Variants in BRCA1 observed in about 807,000 individuals in gnomAD.
The protein encoded by BRCA1 is breast cancer type 1 susceptibility protein.
A neutral mutation model predicts 173.7 loss-of-function variants in BRCA1; 140 were observed. The observed-to-expected ratio is 0.81, with a 90% CI of 0.70 to 0.93. The LOEUF (loss-of-function observed/expected upper bound fraction) is 0.93, where lower values mean the gene tolerates loss of function less well. Ranked by LOEUF, BRCA1 falls within the 40% of genes least tolerant of loss-of-function variation. The probability of loss-of-function intolerance (pLI) is 0.00; values close to 1 mark genes in which losing one functional copy is unlikely to be tolerated. For synonymous variants in BRCA1, 662 were observed against 756.0 expected (o/e 0.88, Z 2.04); for missense variants, 1,983 against 2,172.5 (o/e 0.91, Z 1.73).
At position 43,093,690 on chromosome 17, in the gene BRCA1, T is replaced by C. The variant is rs1597873869; in HGVS notation, c.1841A>G (p.Lys614Arg). 6.2e-7 allele frequency: 1 copy of C among 1,614,108 alleles called. No homozygotes were observed. The highest frequency in any genetic ancestry group is 1.3e-5 in the African/African-American group (1 of 75,044). Residue 614 changes from lysine (K) to arginine (R), a missense_variant, in exon 10 of 23, where the codon AAG becomes AGG. Physicochemically the swap from Lys to Arg is conservative, Grantham distance 26. Transcript: ENST00000357654. ...KAPKKNRLRR[K>R]SSTRHIHALE... is the part of the protein sequence containing the mutation. ...CGCATGAATATGCCTGGTAGAAGAC[T>C]TCCTCCTCAGCCTATTCTTTTTAGG...
chr17:43,127,834 C>G (rs1484756135), upstream of BRCA1, among the ~76,000 whole-genome samples: 3 of 151,364 alleles, frequency 2.0e-5, no homozygotes, highest in Admixed American at 1.3e-4. Flanking sequence ...ACCATCCTGG[C>G]TAACACAGTG....
In BRCA1 at chr17:43,091,840, A is replaced by G. The variant is rs41293451; in HGVS notation, c.3691T>C (p.Phe1231Leu). 40 of 1,614,196 alleles carry G rather than the reference A, an allele frequency of 2.5e-5. No homozygotes were observed. The African/African-American group carries it at 4.8e-4, about 19-fold the overall frequency. ...EELPCFQHLL[F>L]GKVNNIPSQS... ...GAAGGTATATTGTTTACTTTACCAA[A>G]TAACAAGTGTTGGAAGCAGGGAAGC... Residue 1231 changes from phenylalanine (F) to leucine (L), a missense_variant, in exon 10 of 23, where the codon TTT becomes CTT. By Grantham distance (22) the Phe-to-Leu change is conservative. Transcript: ENST00000357654.
In BRCA1 at chr17:43,092,417, T is replaced by C. The variant is rs1479034426; in HGVS notation, c.3114A>G (p.Glu1038=). ...RNNIRENVFK[E]ASSSNINEVG... ...CTTCATTAATATTGCTTGAGCTGGC[T>C]TCTTTAAAAACATTTTCTCTAATGT... Residue 1038 remains glutamate, a synonymous_variant, in exon 10 of 23, where the codon GAA becomes GAG. Transcript: ENST00000357654. The C allele has an allele frequency of 6.2e-7, 1 of 1,613,834 alleles. No individual in the cohort carries two copies.
At chr17:43,101,100 A>C (rs1259451408) in intron 6 of BRCA1, among the ~76,000 whole-genome samples, 2 of 151,942 alleles carry the variant, frequency 1.3e-5, no homozygotes, top group African/African-American at 4.8e-5. Flanking sequence ...TTAGTATAGG[A>C]ACGAGTATTT....
chr17:43,100,598 TATATATATAAC>T (rs1315449584), intron 6 of BRCA1, among the ~76,000 whole-genome samples: 12 of 87,246 alleles, frequency 1.4e-4, no homozygotes, highest in Non-Finnish European at 2.4e-4. Flanking sequence ...ATATATATTA[TATATATATAAC>T]ATATATATAA....
At position 43,097,303 on chromosome 17, in the gene BRCA1, C is replaced by A. The variant is rs1451322222; in HGVS notation, c.548-14G>T. ...AAGAATCAGATCCTAAAAAATTTCC[C>A]CCCAAAAAATAAATCAATAAAAGTT... is the stretch of plus-strand genomic sequence containing the variant. On this transcript the variant is annotated splice_polypyrimidine_tract_variant and intron_variant, in intron 7 of 22. Coordinates refer to ENST00000357654, the MANE Select transcript of BRCA1 (RefSeq NM_007294.4). 1 of 1,609,464 alleles carries A rather than the reference C, an allele frequency of 6.2e-7. No individual in the cohort carries two copies. Among genetic ancestry groups the A allele is most frequent in the Non-Finnish European group, 8.5e-7 (1 of 1,176,610 alleles).
chr17:43,109,793 C>T (rs1481968071), intron 3 of BRCA1, among the ~76,000 whole-genome samples: 4 of 151,924 alleles, frequency 2.6e-5, no homozygotes, highest in African/African-American at 9.7e-5. Flanking sequence ...GAATATAGTA[C>T]AGTAGAGTGA....
Position 43,092,890 on chromosome 17 carries a change from C to A in BRCA1, c.2641G>T (p.Glu881Ter), listed in dbSNP as rs397508988. Residue 881 changes from glutamate to a stop codon, truncating the protein, a stop_gained, in exon 10 of 23, where the codon GAA becomes TAA. Transcript: ENST00000357654. LOFTEE classifies it high-confidence loss of function. ...GAGTGGGCAGAGAATGTTGCACATT[C>A]CTCTTCTGCATTTCCTGGATTTGAA... is the stretch of plus-strand genomic sequence containing the variant. ...PFSNPGNAEE[E>*]CATFSAHSGS... The A allele has an allele frequency of 1.9e-6, 3 of 1,613,904 alleles. No individual in the cohort carries two copies. The highest frequency in any genetic ancestry group is 1.7e-6 in the Non-Finnish European group (2 of 1,179,988).
In BRCA1 at chr17:43,093,112, C is replaced by A. The variant is rs80357240; in HGVS notation, c.2419G>T (p.Ala807Ser). ...ATTAGTCCCTTGGGGTTTTCAAATGCTGCACACTGACTCACACATTTATTT... is the reference window on the plus strand; with the variant it reads ...ATTAGTCCCTTGGGGTTTTCAAATGATGCACACTGACTCACACATTTATTT... ...EPNKCVSQCA[A>S]FENPKGLIHG... The change falls in exon 10 of 23, where the codon GCA becomes TCA. Residue 807 changes from alanine to serine, a missense_variant. Transcript: ENST00000357654. The A allele has an allele frequency of 2.5e-6, 4 of 1,613,618 alleles. No individual in the cohort carries two copies. The highest frequency in any genetic ancestry group is 2.7e-5 in the African/African-American group (2 of 75,024).
rs80358059 is a variant in BRCA1 at position 43,063,960 on chromosome 17, T to A, written c.5075-9A>T. ...ACACACAAACTCAGCATCTGCAGAATGAAAAACACTCAAAGGATTAGAAGT... is the reference window on the plus strand; with the variant it reads ...ACACACAAACTCAGCATCTGCAGAAAGAAAAACACTCAAAGGATTAGAAGT... On this transcript the variant is annotated splice_polypyrimidine_tract_variant and intron_variant, in intron 16 of 22. Transcript: ENST00000357654. 3.1e-6 allele frequency: 5 copies of A among 1,613,186 alleles called. No homozygotes were observed. Among genetic ancestry groups the A allele is most frequent in the Non-Finnish European group, 3.4e-6 (4 of 1,179,316 alleles).
rs2051844725 is a variant in BRCA1 at position 43,063,239 on chromosome 17, A to G, written c.5193+94T>C. 6.7e-6 allele frequency: 7 copies of G among 1,041,522 alleles called. No individual in the cohort carries two copies. In the South Asian group the frequency reaches 9.1e-5, roughly 14 times the overall value. The allele number at this position is 1,041,522 out of a possible 1,614,324, so 64.5% of individuals were successfully genotyped here. ...ATCATGGAAAATTTGTGCATTGTTA[A>G]GGAAAGTGGTGCATTGATGGAAGGA... is the stretch of plus-strand genomic sequence containing the variant. On this transcript the variant is annotated intron_variant, in intron 18 of 22. Coordinates refer to ENST00000357654, the MANE Select transcript of BRCA1 (RefSeq NM_007294.4).
chr17:43,155,546 G>A (rs1250568574), intron 1 of BRCA1, among the ~76,000 whole-genome samples: 2 of 151,340 alleles, frequency 1.3e-5, no homozygotes, highest in African/African-American at 4.9e-5. Context: ...TTTTTTGGGG[G>A]GAGATGGAGT....
intron 12 of BRCA1, among the ~76,000 whole-genome samples, chr17:43,076,866 C>A (rs930398418): frequency 6.6e-6 from 1 of 151,632 alleles, no homozygotes; most frequent in Non-Finnish European, 1.5e-5. Flanking sequence ...AATAAAGACA[C>A]CCAGCTGAGA....
chr17:43,072,597 TC>T (rs2052501728), intron 14 of BRCA1, among the ~76,000 whole-genome samples: 2 of 149,934 alleles, frequency 1.3e-5, no homozygotes, highest in Non-Finnish European at 3.0e-5. Context: ...GGAGTTTCAT[TC>T]TTGTTGCCCA....
chr17:43,047,753 T>G (rs1435317366), intron 21 of BRCA1, 50 bp from the exon 22 acceptor site: 1 of 1,588,148 alleles, frequency 6.3e-7, no homozygotes, highest in African/African-American at 1.3e-5. Flanking sequence ...GTAGGACTAC[T>G]GGAACTGTCA....
chr17:43,150,601 C>T (rs1192882288), intron 1 of BRCA1, among the ~76,000 whole-genome samples: 1 of 152,166 alleles, frequency 6.6e-6, no homozygotes, highest in South Asian at 2.1e-4. Context: ...AACCTTTTGA[C>T]TGTTGTTTCT....
At chr17:43,078,667 G>T (rs1238646315) in intron 12 of BRCA1, among the ~76,000 whole-genome samples, 4 of 152,096 alleles carry the variant, frequency 2.6e-5, no homozygotes, top group African/African-American at 9.7e-5. Flanking sequence ...GTAGCCTGGG[G>T]GGAAATAATC....
At position 43,093,818 on chromosome 17, in the gene BRCA1, T is replaced by C. The variant is rs552505690; in HGVS notation, c.1713A>G (p.Ile571Met). The C allele has an allele frequency of 5.0e-6, 8 of 1,613,636 alleles. No homozygotes were observed. The African/African-American group carries it at 9.3e-5, about 19-fold the overall frequency. The change falls in exon 10 of 23, where the codon ATA becomes ATG. Residue 571 changes from isoleucine (I) to methionine (M), a missense_variant. Physicochemically the swap from Ile to Met is conservative, Grantham distance 10. Transcript: ENST00000357654. ...SIQNEKNPNP[I>M]ESLEKESAFK... ...AAGCAGATTCTTTTTCGAGTGATTC[T>C]ATTGGGTTAGGATTTTTCTCATTCT...
intron 1 of BRCA1, among the ~76,000 whole-genome samples, chr17:43,153,075 T>A (rs1224117632): frequency 6.6e-6 from 1 of 151,690 alleles, no homozygotes; most frequent in Non-Finnish European, 1.5e-5. Flanking sequence ...AATGGAGAAC[T>A]CCACTGGTTA....
Sources: gnomAD v4.1 joint callset for allele counts (sites outside exome capture counted in the v4.1 genomes callset) on GRCh38, gnomAD v4.1.1 for gene constraint, MANE v1.5 for transcripts, NCBI Gene and HGNC (gene_info 2026-07-23, HGNC 2026-07-21) for gene names.